Variants in CAMTA1 observed in about 807,000 individuals in gnomAD.
The protein encoded by CAMTA1 is calmodulin binding transcription activator 1.
In CAMTA1, 27 loss-of-function variants were observed where a neutral mutation model predicts 170.9. The ratio of observed to expected loss-of-function variants is 0.16; its 90% CI spans 0.12 to 0.22. The LOEUF (loss-of-function observed/expected upper bound fraction) is 0.22, where lower values mean the gene tolerates loss of function less well. Ranked by LOEUF, CAMTA1 falls within the 10% of genes least tolerant of loss-of-function variation. The pLI is 1.00. For missense variants in CAMTA1, 1,619 were observed against 2,217.2 expected, an observed-to-expected ratio of 0.73 and a Z score of 5.42; for synonymous variants, 833 against 891.5, an observed-to-expected ratio of 0.93 and a Z score of 1.17.
rs1251128583 is a variant in CAMTA1 at position 7,592,696 on chromosome 1, C to G, written c.511-47704C>G. On this transcript the variant is annotated intron_variant, in intron 6 of 22. Transcript: ENST00000303635. This position sits in a 1 kb window ranked among gnomAD's most constrained non-coding sequence, Gnocchi z 4.6. ...GGGTCAGGTCGGAAGCTTGTCTGTG[C>G]CCTGAACATAGGACACACAGTGTCC... is the stretch of plus-strand genomic sequence containing the variant. 6.6e-6 allele frequency among the ~76,000 whole-genome samples: 1 copy of G among 152,078 alleles called. No homozygotes were observed. Among genetic ancestry groups the G allele is most frequent in the Non-Finnish European group, 1.5e-5 (1 of 68,024 alleles).
At chr1:7,552,062 A>T (rs1379904546) in intron 6 of CAMTA1, among the ~76,000 whole-genome samples, 1 of 152,238 alleles carries the variant, frequency 6.6e-6, no homozygotes, top group African/African-American at 2.4e-5. Context: ...GCCATAGGTC[A>T]CACAGTGGGA....
In CAMTA1 at chr1:7,234,272, G is replaced by C. The variant is rs1017482928; in HGVS notation, c.303-15219G>C. ...TCTCTACCGAAAGCCCTTCCAGGGAGCCAGCATTCATGTCCTTGCCTTCGC... is the reference window on the plus strand; with the variant it reads ...TCTCTACCGAAAGCCCTTCCAGGGACCCAGCATTCATGTCCTTGCCTTCGC... On this transcript the variant is annotated intron_variant, in intron 4 of 22. Coordinates refer to ENST00000303635, the MANE Select transcript of CAMTA1 (RefSeq NM_015215.4). The surrounding 1 kb of genome is among the most constrained non-coding windows in gnomAD (Gnocchi z 5.0). Among the ~76,000 whole-genome samples the C allele has an allele frequency of 1.4e-4, 22 of 152,278 alleles. No individual in the cohort carries two copies. The highest frequency in any genetic ancestry group is 4.1e-4 in the African/African-American group (17 of 41,572).
rs1017425203 is a variant in CAMTA1, at chr1:7,063,763, G to A, written c.235-27541G>A. 6.6e-6 allele frequency among the ~76,000 whole-genome samples: 1 copy of A among 152,220 alleles called. No individual in the cohort carries two copies. Among genetic ancestry groups the A allele is most frequent in the African/African-American group, 2.4e-5 (1 of 41,456 alleles). ...CCACACTTTTTCAGGCACTGGTTGTGCGATTAGCATCCTGCCAGGGATGCT... is the reference window on the plus strand; with the variant it reads ...CCACACTTTTTCAGGCACTGGTTGTACGATTAGCATCCTGCCAGGGATGCT... On this transcript the variant is annotated intron_variant, in intron 3 of 22. Transcript: ENST00000303635. This position sits in a 1 kb window ranked among gnomAD's most constrained non-coding sequence, Gnocchi z 4.3.
At chr1:7,728,756 T>C (rs565482232) in intron 11 of CAMTA1, among the ~76,000 whole-genome samples, 3 of 152,230 alleles carry the variant, frequency 2.0e-5, no homozygotes, top group Non-Finnish European at 4.4e-5. Flanking sequence ...CTTCTTAGGC[T>C]TCACATGGAA....
chr1:7,752,277 A>G (rs1182711156), intron 20 of CAMTA1, among the ~76,000 whole-genome samples, 182 bp from the exon 21 acceptor site: 5 of 152,032 alleles, frequency 3.3e-5, no homozygotes, highest in Non-Finnish European at 7.4e-5. Flanking sequence ...TGATGCCCGG[A>G]CTCGATACTA....
rs2096745105 is a variant in CAMTA1, at chr1:7,732,952, A to AGGAG, written c.3066+355_3066+358dup. On this transcript the variant is annotated intron_variant, in intron 12 of 22. Coordinates refer to ENST00000303635, the MANE Select transcript of CAMTA1 (RefSeq NM_015215.4). This position sits in a 1 kb window ranked among gnomAD's most constrained non-coding sequence, Gnocchi z 4.1. ...CTCACGCCTATAATCCCAGCGCTGT[A>AGGAG]GGAGGCCAAGACGGGAGGATTGCTT... 1.3e-5 allele frequency among the ~76,000 whole-genome samples: 2 copies of AGGAG among 152,168 alleles called. No individual in the cohort carries two copies. Among genetic ancestry groups the AGGAG allele is most frequent in the African/African-American group, 4.8e-5 (2 of 41,440 alleles).
At chr1:6,944,081 G>A (rs1243389332) in intron 3 of CAMTA1, among the ~76,000 whole-genome samples, 2 of 152,068 alleles carry the variant, frequency 1.3e-5, no homozygotes, top group African/African-American at 4.8e-5. Flanking sequence ...GTCTCTGTGA[G>A]TCTGACTCCT....
intron 3 of CAMTA1, among the ~76,000 whole-genome samples, chr1:7,019,120 C>T (rs796145043): frequency 5.3e-5 from 8 of 152,246 alleles, no homozygotes; most frequent in East Asian, 1.9e-4. Context: ...GCCTGGGTTC[C>T]GCGAAATGCC....
intron 6 of CAMTA1, among the ~76,000 whole-genome samples, chr1:7,577,594 A>G (rs1316919758): frequency 2.0e-5 from 3 of 151,482 alleles, no homozygotes; most frequent in African/African-American, 4.9e-5. Flanking sequence ...TTTCCTTCCT[A>G]ACTGCAAACG....
At chr1:6,968,510 C>G (rs996675267) in intron 3 of CAMTA1, among the ~76,000 whole-genome samples, 2 of 152,114 alleles carry the variant, frequency 1.3e-5, no homozygotes, top group African/African-American at 4.8e-5. Context: ...CTACTGCGTG[C>G]CAGGTGCTGT....
chr1:7,376,076 A>C (rs1393167756), intron 5 of CAMTA1, among the ~76,000 whole-genome samples: 2 of 152,226 alleles, frequency 1.3e-5, no homozygotes, highest in Non-Finnish European at 2.9e-5. Flanking sequence ...AGGGAGGCCA[A>C]ATAAATATTT....
At chr1:7,178,018 C>T (rs571709375) in intron 4 of CAMTA1, among the ~76,000 whole-genome samples, 6 of 152,196 alleles carry the variant, frequency 3.9e-5, no homozygotes, top group African/African-American at 7.2e-5. Flanking sequence ...AGCCACTTCC[C>T]AAGCACTGAG....
chr1:6,995,290 C>CTTTT (rs1212463100), intron 3 of CAMTA1, among the ~76,000 whole-genome samples: 39 of 82,268 alleles, frequency 4.7e-4, no homozygotes, highest in African/African-American at 1.8e-3. Context: ...TCTTTTTTTT[C>CTTTT]TTTTCTTTTT....
chr1:7,252,581 C>T (rs150292760), intron 5 of CAMTA1, among the ~76,000 whole-genome samples: 2 of 152,316 alleles, frequency 1.3e-5, no homozygotes, highest in East Asian at 3.9e-4. Flanking sequence ...CTTTGTACCT[C>T]ACAGGAGGAG....
intron 4 of CAMTA1, among the ~76,000 whole-genome samples, chr1:7,163,755 G>A (rs1162214953): frequency 2.6e-5 from 4 of 152,080 alleles, no homozygotes; most frequent in East Asian, 3.9e-4. Context: ...GATCCTCTGC[G>A]GGACCCAAAG....
intron 3 of CAMTA1, among the ~76,000 whole-genome samples, chr1:7,025,457 A>AT (rs1192249440): frequency 6.6e-6 from 1 of 152,112 alleles, no homozygotes; most frequent in African/African-American, 2.4e-5. Context: ...GAGACCACCT[A>AT]TTTCTGGGGT....
chr1:7,675,478 A>C (rs1175896788), intron 10 of CAMTA1, among the ~76,000 whole-genome samples: 21 of 152,116 alleles, frequency 1.4e-4, no homozygotes. Flanking sequence ...GGGAGGAAGA[A>C]CAGAAGCAGG....
rs550237263 is a variant in CAMTA1 at position 7,307,943 on chromosome 1, C to T, written c.438+58317C>T. Among the ~76,000 whole-genome samples the T allele has an allele frequency of 2.6e-5, 4 of 152,030 alleles. No individual in the cohort carries two copies. In the South Asian group the frequency reaches 8.3e-4, roughly 32 times the overall value. ...AAATTGATACTATTTCTTCTTTAAA[C>T]ATTTAGTAAAATTTGTCAGGGAAAC... On this transcript the variant is annotated intron_variant, in intron 5 of 22. Transcript: ENST00000303635.
At chr1:7,579,160 A>G (rs1182347854) in intron 6 of CAMTA1, among the ~76,000 whole-genome samples, 1 of 152,152 alleles carries the variant, frequency 6.6e-6, no homozygotes, top group African/African-American at 2.4e-5. Flanking sequence ...TGCCTGGGGG[A>G]GATTGGGCAC....
Sources: allele counts gnomAD v4.1 joint callset (sites outside exome capture counted in the v4.1 genomes callset), GRCh38; gene constraint gnomAD v4.1.1; non-coding constraint Gnocchi (gnomAD v3.1); transcripts MANE v1.5; gene names NCBI Gene and HGNC (gene_info 2026-07-23, HGNC 2026-07-21).